XKR6: variants seen among roughly 807,000 people sequenced by gnomAD.
The protein encoded by XKR6 is XK related 6.
Under a neutral mutation model 56.7 loss-of-function variants are expected in XKR6, and 22 were observed. That is an observed-to-expected ratio of 0.39 (90% CI 0.28 to 0.55). The LOEUF (loss-of-function observed/expected upper bound fraction) is 0.55, where lower values mean the gene tolerates loss of function less well. XKR6 is among the 20% of genes least tolerant of loss of function. XKR6 has a pLI of 0.66. For missense variants in XKR6, 852 were observed against 889.0 expected (o/e 0.96, Z 0.53); for synonymous variants, 524 against 387.8 (o/e 1.35, Z -4.13).
At chr8:11,012,487 G>A (rs186915351) in intron 1 of XKR6, among the ~76,000 whole-genome samples, 6 of 152,082 alleles carry the variant, frequency 3.9e-5, no homozygotes, top group South Asian at 2.1e-4. Flanking sequence ...TAGTTGTTAC[G>A]GCTGCTATTA....
At chr8:11,002,733 C>G (rs1028383614) in intron 1 of XKR6, among the ~76,000 whole-genome samples, 1 of 152,234 alleles carries the variant, frequency 6.6e-6, no homozygotes, top group Non-Finnish European at 1.5e-5. Flanking sequence ...TCTTCTTCCA[C>G]CACCATCATA....
At chr8:10,972,543 G>A (rs988999050) in intron 1 of XKR6, among the ~76,000 whole-genome samples, 3 of 152,172 alleles carry the variant, frequency 2.0e-5, no homozygotes, top group East Asian at 1.9e-4. Context: ...TAAAAGGAGG[G>A]ATTTCTGACA....
At chr8:10,954,357 A>T (rs976471132) in intron 1 of XKR6, among the ~76,000 whole-genome samples, 3 of 152,208 alleles carry the variant, frequency 2.0e-5, no homozygotes, top group African/African-American at 7.2e-5. Flanking sequence ...TAGCCATCCA[A>T]GTGGGTGTGA....
chr8:11,200,698 G>A lies in XKR6; in HGVS notation c.642C>T (p.Gly214=), dbSNP rs1249840072. The change falls in exon 1 of 3, where the codon GGC becomes GGT. Residue 214 remains glycine (G), a synonymous_variant. Transcript: ENST00000416569. The surrounding 1 kb of genome is among the most constrained non-coding windows in gnomAD (Gnocchi z 6.4). ...TCACGCCTGGGCCACCGCGGGCCGC[G>A]CCGTGGACGTAGCCGGCCCCCATCA... ...PPMMGAGYVH[G]AARGGPGVRV... 1 of 1,573,026 alleles carries A rather than the reference G, an allele frequency of 6.4e-7. No individual in the cohort carries two copies.
At chr8:10,914,369 C>T (rs757240993) in intron 2 of XKR6, among the ~76,000 whole-genome samples, 2 of 152,112 alleles carry the variant, frequency 1.3e-5, no homozygotes, top group African/African-American at 2.4e-5. Context: ...AGATAGTATT[C>T]GTGAAACTCC....
chr8:11,066,610 C>G (rs1799985409), intron 1 of XKR6, among the ~76,000 whole-genome samples: 1 of 152,210 alleles, frequency 6.6e-6, no homozygotes, highest in Admixed American at 6.5e-5. Flanking sequence ...GTCTGCTTGA[C>G]CAGCTCACGA....
chr8:11,151,405 T>G (rs779658980), intron 1 of XKR6, among the ~76,000 whole-genome samples: 1 of 152,170 alleles, frequency 6.6e-6, no homozygotes, highest in Non-Finnish European at 1.5e-5. Context: ...CTGCAGAAAA[T>G]TGATTAAGAG....
intron 1 of XKR6, among the ~76,000 whole-genome samples, chr8:11,016,027 G>T (rs1798611691): frequency 6.6e-6 from 1 of 152,100 alleles, no homozygotes; most frequent in South Asian, 2.1e-4. Flanking sequence ...CCCCGGTAAC[G>T]CCCCGCACCG....
intron 1 of XKR6, among the ~76,000 whole-genome samples, chr8:10,986,579 AG>A (rs1194796008): frequency 6.6e-6 from 1 of 152,236 alleles, no homozygotes; most frequent in African/African-American, 2.4e-5. Flanking sequence ...TTTTTGAGCA[AG>A]AAAAAAGTGT....
chr8:11,002,712 C>T (rs1423778845), intron 1 of XKR6, among the ~76,000 whole-genome samples: 1 of 152,194 alleles, frequency 6.6e-6, no homozygotes, highest in Non-Finnish European at 1.5e-5. Context: ...GTTCAACGGC[C>T]CCAAGCATTG....
chr8:11,083,911 A>C (rs184610781), intron 1 of XKR6, among the ~76,000 whole-genome samples: 1 of 152,244 alleles, frequency 6.6e-6, no homozygotes, highest in African/African-American at 2.4e-5. Context: ...ACAGATTGTA[A>C]GTTTGCTGTT....
At chr8:11,005,730 C>T (rs550110394) in intron 1 of XKR6, among the ~76,000 whole-genome samples, 1 of 151,970 alleles carries the variant, frequency 6.6e-6, no homozygotes, top group South Asian at 2.1e-4. Flanking sequence ...CAAATTTAAA[C>T]AGTGGCTATC....
intron 1 of XKR6, among the ~76,000 whole-genome samples, chr8:11,007,992 G>A (rs1273541167): frequency 6.6e-6 from 1 of 152,164 alleles, no homozygotes; most frequent in African/African-American, 2.4e-5. Context: ...ATGTGTGGGT[G>A]CTCCCTGGGA....
rs780232194 is a variant in XKR6, at chr8:10,924,704, C to T, written c.891G>A (p.Leu297=). The T allele has an allele frequency of 3.0e-5, 48 of 1,613,522 alleles. No individual in the cohort carries two copies. The South Asian group carries it at 4.2e-4, about 14-fold the overall frequency. Reference sequence around the variant, plus strand: ...GTAGCACCAGTTGGGGCGCGCTCTCCAGGAAGGTCTCCAGGAGGCGCAGCA... The same window carrying T: ...GTAGCACCAGTTGGGGCGCGCTCTCTAGGAAGGTCTCCAGGAGGCGCAGCA... ...VNMLRLLETF[L]ESAPQLVLQL... Residue 297 remains leucine (L), a synonymous_variant, in exon 2 of 3, where the codon CTG becomes CTA. Coordinates refer to ENST00000416569, the MANE Select transcript of XKR6 (RefSeq NM_173683.4).
At chr8:11,043,065 G>C (rs568767314) in intron 1 of XKR6, among the ~76,000 whole-genome samples, 2 of 152,248 alleles carry the variant, frequency 1.3e-5, no homozygotes, top group South Asian at 4.2e-4. Flanking sequence ...GAGGGGTCCT[G>C]GTTGGAGACC....
At chr8:10,962,542 T>C (rs1217470896) in intron 1 of XKR6, among the ~76,000 whole-genome samples, 4 of 152,214 alleles carry the variant, frequency 2.6e-5, no homozygotes, top group Non-Finnish European at 4.4e-5. Context: ...GTAAGGAAGT[T>C]CCAACTTTTG....
chr8:11,118,112 C>A (rs139813664), intron 1 of XKR6, among the ~76,000 whole-genome samples: 67 of 152,228 alleles, frequency 4.4e-4, no homozygotes, highest in Middle Eastern at 6.8e-3. Flanking sequence ...ATTCTTATTT[C>A]TTCTCACACG....
intron 1 of XKR6, among the ~76,000 whole-genome samples, chr8:11,178,792 T>A (rs1670561940): frequency 6.6e-6 from 1 of 150,664 alleles, no homozygotes; most frequent in South Asian, 2.1e-4. Context: ...ACAAAAGCAA[T>A]GACAAAGCAC....
intron 1 of XKR6, among the ~76,000 whole-genome samples, chr8:10,980,059 G>C (rs11250102): frequency 0.57 from 86,263 of 151,786 alleles, 27,209 homozygotes; most frequent in African/African-American, 0.83. Context: ...CATCTGAGAT[G>C]AACAGACAGG....
Sources: allele counts gnomAD v4.1 joint callset (sites outside exome capture counted in the v4.1 genomes callset), GRCh38; gene constraint gnomAD v4.1.1; non-coding constraint Gnocchi (gnomAD v3.1); transcripts MANE v1.5; gene names NCBI Gene and HGNC (gene_info 2026-07-23, HGNC 2026-07-21).